The following TFCP2 variants were observed in gnomAD, a reference collection of about 807,000 sequenced individuals.
TFCP2 encodes transcription factor CP2.
Under a neutral mutation model 73.4 loss-of-function variants are expected in TFCP2, and 33 were observed. The observed-to-expected ratio is 0.45, with a 90% CI of 0.34 to 0.60. The LOEUF (loss-of-function observed/expected upper bound fraction) is 0.60. Among genes scored for constraint, TFCP2 ranks in the 20% least tolerant of loss-of-function variants. The pLI, the probability that TFCP2 is intolerant of heterozygous loss-of-function variation, is 0.01. For synonymous variants in TFCP2, 193 were observed against 211.6 expected (o/e 0.91, Z 0.76); for missense variants, 352 against 604.0 (o/e 0.58, Z 4.37).
At chr12:51,142,069 G>A (rs1378432642) in intron 1 of TFCP2, among the ~76,000 whole-genome samples, 2 of 151,452 alleles carry the variant, frequency 1.3e-5, no homozygotes, top group East Asian at 3.9e-4. Context: ...CAGGCGTGGT[G>A]GTGCACACCT....
intron 1 of TFCP2, among the ~76,000 whole-genome samples, chr12:51,127,238 G>A (rs1030247081): frequency 1.3e-5 from 2 of 152,164 alleles, no homozygotes; most frequent in African/African-American, 4.8e-5. Context: ...TAGACTCTGA[G>A]AACAGGCTTC....
At chr12:51,132,527 T>C (rs2065018964) in intron 1 of TFCP2, among the ~76,000 whole-genome samples, 1 of 151,284 alleles carries the variant, frequency 6.6e-6, no homozygotes, top group Admixed American at 6.6e-5. Context: ...TACCACCATG[T>C]CTGGCTAATT....
chr12:51,096,872 A>C (rs536267181), intron 13 of TFCP2, among the ~76,000 whole-genome samples: 32 of 152,338 alleles, frequency 2.1e-4, no homozygotes, highest in African/African-American at 7.7e-4. Flanking sequence ...ATTCAGCTAC[A>C]AAGGAAATAA....
At chr12:51,095,920 G>T in intron 14 of TFCP2, 69 bp downstream of exon 14, 1 of 1,223,396 alleles carries the variant, frequency 8.2e-7, no homozygotes, top group African/African-American at 1.5e-5. Context: ...CCTCAAAGAA[G>T]TATGTACTTT....
intron 1 of TFCP2, among the ~76,000 whole-genome samples, chr12:51,159,249 T>G (rs1007831343): frequency 3.3e-5 from 5 of 151,960 alleles, no homozygotes; most frequent in Admixed American, 6.6e-5. Flanking sequence ...GTGGGGGAAT[T>G]TGCAACAAAG....
intron 13 of TFCP2, among the ~76,000 whole-genome samples, chr12:51,098,352 G>A (rs940499215): frequency 1.3e-5 from 2 of 152,116 alleles, no homozygotes; most frequent in South Asian, 2.1e-4. Context: ...AGGACCAGGC[G>A]CAGTGGCTCA....
At chr12:51,169,107 G>C (rs985670347) in intron 1 of TFCP2, among the ~76,000 whole-genome samples, 1 of 152,020 alleles carries the variant, frequency 6.6e-6, no homozygotes. Context: ...TGGTCCCCAA[G>C]TGTATTTTTA....
chr12:51,098,762 A>G lies in TFCP2; in HGVS notation c.1419+14T>C, dbSNP rs376731031. ...AATCATCATCTGGTAATTCAACTGT[A>G]CTGAAAAATCTACCTCATCACTGAT... On this transcript the variant is annotated intron_variant, in intron 13 of 14. Transcript: ENST00000257915. 2.3e-4 allele frequency: 375 copies of G among 1,614,038 alleles called. 1 individual carries two copies. In the African/African-American group the frequency reaches 4.1e-3, roughly 18 times the overall value.
intron 6 of TFCP2, among the ~76,000 whole-genome samples, chr12:51,107,847 G>A (rs1024563165): frequency 2.7e-4 from 41 of 151,824 alleles, no homozygotes; most frequent in African/African-American, 8.4e-4. Context: ...CTTGTGATCC[G>A]CCCACCTCGG....
rs368546144 is a variant in TFCP2 at position 51,109,149 on chromosome 12, G to A, written c.689C>T (p.Ser230Leu). ...GAAAACTTTGATCTGGCAGCTGGCCGAGTGTAAGTGCTCAGTATATTCCCC... is the reference window on the plus strand; with the variant it reads ...GAAAACTTTGATCTGGCAGCTGGCCAAGTGTAAGTGCTCAGTATATTCCCC... The part of the protein sequence containing the change: ...ENGEYTEHLH[S>L]ASCQIKVFKP... Residue 230 changes from serine (S) to leucine (L), a missense_variant, in exon 6 of 15, where the codon TCG becomes TTG. Transcript: ENST00000257915. The A allele has an allele frequency of 6.8e-6, 11 of 1,614,072 alleles. No homozygotes were observed. The highest frequency in any genetic ancestry group is 4.0e-5 in the African/African-American group (3 of 74,938).
intron 1 of TFCP2, among the ~76,000 whole-genome samples, chr12:51,153,069 G>A (rs1371809299): frequency 6.6e-6 from 1 of 152,182 alleles, no homozygotes; most frequent in Non-Finnish European, 1.5e-5. Flanking sequence ...TTTAAAATCT[G>A]TAGTAAAATA....
At chr12:51,130,844 G>A (rs916489498) in intron 1 of TFCP2, among the ~76,000 whole-genome samples, 5 of 151,444 alleles carry the variant, frequency 3.3e-5, no homozygotes, top group Admixed American at 1.3e-4. Context: ...AAAACTAGCC[G>A]GGCATGGTGG....
intron 1 of TFCP2, among the ~76,000 whole-genome samples, chr12:51,171,434 A>ATG (rs543306606): frequency 1.2e-3 from 181 of 152,256 alleles, no homozygotes; most frequent in Non-Finnish European, 2.0e-3. Context: ...CTGGAGTGCA[A>ATG]TGACACCATC....
rs112673606 is a variant in TFCP2, at chr12:51,103,262, G to A, written c.1060+408C>T. Among the ~76,000 whole-genome samples the A allele has an allele frequency of 6.7e-3, 1,015 of 152,018 alleles. 6 individuals carry two copies. The highest frequency in any genetic ancestry group is 0.023 in the African/African-American group (952 of 41,456). On this transcript the variant is annotated intron_variant, in intron 10 of 14. Coordinates refer to ENST00000257915, the MANE Select transcript of TFCP2 (RefSeq NM_005653.5). ...CATGCAACTGCACTCCAGCCTGGGT[G>A]ACAGAGTGAGATTCCATCTCAAAGA...
intron 1 of TFCP2, among the ~76,000 whole-genome samples, chr12:51,127,285 G>C (rs553768394): frequency 2.6e-5 from 4 of 152,102 alleles, no homozygotes. Flanking sequence ...AGACAGGACC[G>C]AAGTCTGAGG....
chr12:51,114,442 C>T (rs1940471556), intron 4 of TFCP2, among the ~76,000 whole-genome samples: 1 of 151,792 alleles, frequency 6.6e-6, no homozygotes, highest in Admixed American at 6.6e-5. Flanking sequence ...CCTGTCTCTA[C>T]TAAAACACAA....
At chr12:51,147,224 T>G (rs1566225585) in intron 1 of TFCP2, among the ~76,000 whole-genome samples, 1 of 151,836 alleles carries the variant, frequency 6.6e-6, no homozygotes, top group Non-Finnish European at 1.5e-5. Flanking sequence ...ATGCCTGTAA[T>G]CCCAGCTACT....
chr12:51,119,333 C>T (rs1015756491), intron 1 of TFCP2, among the ~76,000 whole-genome samples: 15 of 152,198 alleles, frequency 9.9e-5, no homozygotes, highest in African/African-American at 3.4e-4. Context: ...TCTAAACTTG[C>T]AAACCAAAGA....
chr12:51,140,445 CTTTTTT>C (rs768526922), intron 1 of TFCP2, among the ~76,000 whole-genome samples: 287 of 88,022 alleles, frequency 3.3e-3, no homozygotes, highest in African/African-American at 0.01. Flanking sequence ...TTTTCTTTTT[CTTTTTT>C]TTTTTTTTTT....
Sources: allele counts gnomAD v4.1 joint callset (sites outside exome capture counted in the v4.1 genomes callset), GRCh38; gene constraint gnomAD v4.1.1; transcripts MANE v1.5; gene names NCBI Gene and HGNC (gene_info 2026-07-23, HGNC 2026-07-21).